POLE2: variants seen among roughly 807,000 people sequenced by gnomAD.
The protein encoded by POLE2 is DNA polymerase epsilon subunit 2.
Under a neutral mutation model 79.4 loss-of-function variants are expected in POLE2, and 56 were observed. That is an observed-to-expected ratio of 0.71 (90% CI 0.57 to 0.88). The LOEUF (loss-of-function observed/expected upper bound fraction) is 0.88. Ranked by LOEUF, POLE2 falls within the 40% of genes least tolerant of loss-of-function variation. The pLI is 0.00. For missense variants in POLE2, 598 were observed against 638.9 expected, an observed-to-expected ratio of 0.94 and a Z score of 0.69; for synonymous variants, 212 against 214.0, an observed-to-expected ratio of 0.99 and a Z score of 0.08.
chr14:49,670,044 G>A (rs1010302605), intron 5 of POLE2, among the ~76,000 whole-genome samples: 4 of 151,960 alleles, frequency 2.6e-5, no homozygotes, highest in Admixed American at 6.6e-5. Flanking sequence ...GGCCAGGCGC[G>A]GTGGCTCACA....
chr14:49,662,040 A>G (rs779229101), intron 10 of POLE2, among the ~76,000 whole-genome samples: 12 of 152,222 alleles, frequency 7.9e-5, no homozygotes. Flanking sequence ...ATACCATGAC[A>G]ATGGCAATTT....
At chr14:49,666,220 C>T in intron 7 of POLE2, 110 bp downstream of exon 7, 4 of 651,116 alleles carry the variant, frequency 6.1e-6, no homozygotes, top group Non-Finnish European at 1.1e-5. Context: ...GTTGGTGAGG[C>T]GAGTTTTCAA....
chr14:49,681,696 C>G (rs1399848698), intron 2 of POLE2, among the ~76,000 whole-genome samples: 1 of 151,946 alleles, frequency 6.6e-6, no homozygotes, highest in Non-Finnish European at 1.5e-5. Flanking sequence ...ATCGCTTGAA[C>G]CCGGGAGGCA....
At chr14:49,650,225 T>G in intron 17 of POLE2, 40 bp downstream of exon 17, 2 of 1,129,788 alleles carry the variant, frequency 1.8e-6, no homozygotes, top group Non-Finnish European at 2.4e-6. Context: ...CACTCTAATC[T>G]TGATAAATAA....
At chr14:49,646,301 G>GTTTTTTTTTTT (rs1566522550) in intron 18 of POLE2, among the ~76,000 whole-genome samples, 5 of 90,770 alleles carry the variant, frequency 5.5e-5, no homozygotes, top group African/African-American at 2.4e-4. Flanking sequence ...TTTTTTTGTT[G>GTTTTTTTTTTT]GTTTTTTTTT....
At chr14:49,667,246 T>C in intron 6 of POLE2, among the ~76,000 whole-genome samples, 1 of 152,018 alleles carries the variant, frequency 6.6e-6, no homozygotes, top group Non-Finnish European at 1.5e-5. Context: ...CCTAAATATA[T>C]GTAAATACAT....
chr14:49,666,548 G>T, intron 6 of POLE2, 135 bp from the exon 7 acceptor site: 2 of 436,198 alleles, frequency 4.6e-6, no homozygotes, highest in South Asian at 4.9e-5. Flanking sequence ...CAAATAAAAT[G>T]GAAATAAAGT....
chr14:49,660,102 T>C (rs562260978), intron 10 of POLE2, among the ~76,000 whole-genome samples: 1 of 152,328 alleles, frequency 6.6e-6, no homozygotes, highest in South Asian at 2.1e-4. Context: ...TTTTATATTT[T>C]ATACCATATT....
intron 2 of POLE2, among the ~76,000 whole-genome samples, chr14:49,680,909 G>A (rs1430850685): frequency 6.6e-6 from 1 of 152,144 alleles, no homozygotes; most frequent in East Asian, 1.9e-4. Flanking sequence ...GCGATTACAG[G>A]CGTGAGACAA....
rs557481363 is a variant in POLE2, at chr14:49,655,728, A to C, written c.871T>G (p.Ser291Ala). ...ENKDAMFVFL[S>A]DVWLDQVEVL... ...TCCACCTGGTCCAACCAAACATCAG[A>C]TAAAAACACAAACATAGCATCTTTA... is the stretch of plus-strand genomic sequence containing the variant. The change falls in exon 11 of 19, where the codon TCT becomes GCT. Residue 291 changes from serine to alanine, a missense_variant. Physicochemically the swap from Ser to Ala is moderately conservative, Grantham distance 99. Transcript: ENST00000216367. The C allele has an allele frequency of 6.2e-7, 1 of 1,612,402 alleles. No homozygotes were observed. Among genetic ancestry groups the C allele is most frequent in the East Asian group, 2.2e-5 (1 of 44,768 alleles).
At chr14:49,673,166 G>T (rs1886018880) in intron 5 of POLE2, among the ~76,000 whole-genome samples, 2 of 151,884 alleles carry the variant, frequency 1.3e-5, no homozygotes, top group South Asian at 4.1e-4. Flanking sequence ...TACACCCCTT[G>T]CCACTTCCTT....
intron 16 of POLE2, 26 bp from the exon 17 acceptor site, chr14:49,650,467 A>C (rs770602153): frequency 1.5e-6 from 2 of 1,364,646 alleles, no homozygotes; most frequent in East Asian, 2.8e-5. Context: ...AAACAAAGCA[A>C]ACTTCAGTTC....
In POLE2 at chr14:49,679,744, G is replaced by GACTGCATTCCTGGACT. The variant is rs1222558738; in HGVS notation, c.210_225dup (p.Gln76SerfsTer9). ...ACATACATAGTTTCATCAACAGACT[G>GACTGCATTCCTGGACT]ACTGCATTCCTGGACTGCTGCTTCC... On this transcript the variant is annotated frameshift_variant, in exon 3 of 19. Coordinates refer to ENST00000216367, the MANE Select transcript of POLE2 (RefSeq NM_002692.4). LOFTEE classifies it high-confidence loss of function. 6.3e-7 allele frequency: 1 copy of GACTGCATTCCTGGACT among 1,597,476 alleles called. No individual in the cohort carries two copies. The highest frequency in any genetic ancestry group is 8.6e-7 in the Non-Finnish European group (1 of 1,165,248).
chr14:49,643,696 A>G, intron 18 of POLE2, 26 bp from the exon 19 acceptor site: 1 of 1,223,940 alleles, frequency 8.2e-7, no homozygotes, highest in Non-Finnish European at 1.2e-6. Context: ...AAAATTAAAT[A>G]TTTGGAAACC....
rs777701146 is a variant in POLE2, at chr14:49,654,857, A to T, written c.1019-19T>A. The T allele has an allele frequency of 1.3e-6, 2 of 1,486,282 alleles. No homozygotes were observed. The highest frequency in any genetic ancestry group is 1.8e-6 in the Non-Finnish European group (2 of 1,120,698). The allele number at this position is 1,486,282 out of a possible 1,614,324, so 92.1% of individuals were successfully genotyped here. On this transcript the variant is annotated intron_variant, in intron 12 of 18. Coordinates refer to ENST00000216367, the MANE Select transcript of POLE2 (RefSeq NM_002692.4). ...AGGGAATCTAAAATTTTAAAAAGGT[A>T]TTGAATTAAATTTGCATATAATGCC...
rs753705907 is a variant in POLE2, at chr14:49,643,680, G to GA, written c.1566-11dup. ...AAAGCCTTGAAGTTTGCTGAAAATA[G>GA]AAAAAAAAATTAAATATTTGGAAAC... On this transcript the variant is annotated splice_polypyrimidine_tract_variant and intron_variant, in intron 18 of 18. Transcript: ENST00000216367. 973 of 1,323,878 alleles carry GA rather than the reference G, an allele frequency of 7.3e-4. No individual in the cohort carries two copies. The highest frequency in any genetic ancestry group is 1.3e-3 in the Middle Eastern group (7 of 5,362). The allele number at this position is 1,323,878 out of a possible 1,614,324, so 82.0% of individuals were successfully genotyped here.
intron 1 of POLE2, among the ~76,000 whole-genome samples, chr14:49,686,844 T>C (rs1887172707): frequency 6.6e-6 from 1 of 152,116 alleles, no homozygotes; most frequent in African/African-American, 2.4e-5. Flanking sequence ...ACAAAATTCA[T>C]TATTTTCTCC....
intron 10 of POLE2, 28 bp from the exon 11 acceptor site, chr14:49,655,871 T>C: frequency 9.1e-7 from 1 of 1,095,030 alleles, no homozygotes; most frequent in Non-Finnish European, 1.4e-6. Context: ...AATTATCTTC[T>C]ATATACCACT....
intron 3 of POLE2, chr14:49,677,531 C>T (rs1886370719): frequency 2.0e-6 from 1 of 488,566 alleles, no homozygotes. Context: ...CAGGCCCTGA[C>T]CCTGCCGGAC....
Sources: allele counts gnomAD v4.1 joint callset (sites outside exome capture counted in the v4.1 genomes callset), GRCh38; gene constraint gnomAD v4.1.1; transcripts MANE v1.5; gene names NCBI Gene and HGNC (gene_info 2026-07-23, HGNC 2026-07-21).